The following MBD2 variants were observed in gnomAD, a reference collection of about 807,000 sequenced individuals.
MBD2 encodes methyl-CpG-binding domain protein 2.
Under a neutral mutation model 39.3 loss-of-function variants are expected in MBD2, and 9 were observed. The ratio of observed to expected loss-of-function variants is 0.23; its 90% CI spans 0.14 to 0.40. MBD2 has a LOEUF of 0.40. Ranked by LOEUF, MBD2 falls within the 10% of genes least tolerant of loss-of-function variation. The pLI, the probability that MBD2 is intolerant of heterozygous loss-of-function variation, is 1.00. For missense variants in MBD2, 458 were observed against 532.6 expected, an observed-to-expected ratio of 0.86 and a Z score of 1.38; for synonymous variants, 233 against 211.1, an observed-to-expected ratio of 1.10 and a Z score of -0.90.
At chr18:54,177,827 C>CTT (rs34113185) in intron 3 of MBD2, among the ~76,000 whole-genome samples, 3,612 of 87,016 alleles carry the variant, frequency 0.042, 155 homozygotes, top group African/African-American at 0.067. Context: ...TTTTTCCTCT[C>CTT]TTTTTTTTTT....
chr18:54,194,127 A>T (rs1222826798), intron 2 of MBD2, among the ~76,000 whole-genome samples: 1 of 152,094 alleles, frequency 6.6e-6, no homozygotes, highest in Admixed American at 6.5e-5. Flanking sequence ...GAAATTTGAA[A>T]ATATATATAC....
intron 2 of MBD2, among the ~76,000 whole-genome samples, chr18:54,190,074 T>C (rs1014648436): frequency 4.5e-4 from 69 of 152,204 alleles, no homozygotes; most frequent in African/African-American, 1.6e-3. Context: ...CAGACTTACA[T>C]AAAACCACAT....
Position 54,216,115 on chromosome 18 carries a change from T to C in MBD2, c.542+7903A>G, listed in dbSNP as rs549756672. Among the ~76,000 whole-genome samples the C allele has an allele frequency of 1.9e-3, 296 of 152,298 alleles. 3 individuals are homozygous for C. The highest frequency in any genetic ancestry group is 2.5e-3 in the Non-Finnish European group (167 of 68,014). ...AGCCACCGCATCCAGCCCTTGAAGA[T>C]AGATTTTTTTCAAGCAAAATATAAA... On this transcript the variant is annotated intron_variant, in intron 1 of 6. Transcript: ENST00000256429.
chr18:54,180,326 G>T (rs1436210075), intron 3 of MBD2, among the ~76,000 whole-genome samples: 1 of 152,000 alleles, frequency 6.6e-6, no homozygotes, highest in Non-Finnish European at 1.5e-5. Context: ...TTTAAAATCA[G>T]AAAAGGTTAA....
chr18:54,219,156 T>A (rs2086587561), intron 1 of MBD2, among the ~76,000 whole-genome samples: 1 of 152,198 alleles, frequency 6.6e-6, no homozygotes, highest in Non-Finnish European at 1.5e-5. Flanking sequence ...GTCTGTGCAC[T>A]ATGAGCAACC....
In MBD2 at chr18:54,164,803, T is replaced by C. The variant is rs571414413; in HGVS notation, c.932-103A>G. On this transcript the variant is annotated intron_variant, in intron 4 of 6. Coordinates refer to ENST00000256429, the MANE Select transcript of MBD2 (RefSeq NM_003927.5). ...ATATTTTTATATTCATTTGGGATCATATATGTAAAACTGACATAAGACAAA... is the reference window on the plus strand; with the variant it reads ...ATATTTTTATATTCATTTGGGATCACATATGTAAAACTGACATAAGACAAA... The C allele has an allele frequency of 2.1e-5, 19 of 893,650 alleles. No individual in the cohort carries two copies. The East Asian group carries it at 4.7e-4, about 22-fold the overall frequency. The allele number at this position is 893,650 out of a possible 1,614,324, so 55.4% of individuals were successfully genotyped here.
intron 3 of MBD2, among the ~76,000 whole-genome samples, chr18:54,176,917 C>G (rs565918523): frequency 2.0e-5 from 3 of 152,110 alleles, no homozygotes; most frequent in Non-Finnish European, 4.4e-5. Context: ...ATGAATAAAC[C>G]AAAGGGCAAA....
intron 2 of MBD2, among the ~76,000 whole-genome samples, chr18:54,204,734 C>T (rs1334280223): frequency 1.3e-5 from 2 of 152,154 alleles, no homozygotes; most frequent in Non-Finnish European, 2.9e-5. Flanking sequence ...AAAAAGGAGA[C>T]AATTAACACC....
At chr18:54,192,323 C>T (rs180832969) in intron 2 of MBD2, among the ~76,000 whole-genome samples, 3 of 152,164 alleles carry the variant, frequency 2.0e-5, no homozygotes, top group Middle Eastern at 3.2e-3. Context: ...ACCTCTGCCT[C>T]GTGGGTTCAA....
chr18:54,171,967 G>A (rs913140911), intron 3 of MBD2, among the ~76,000 whole-genome samples: 3 of 152,202 alleles, frequency 2.0e-5, no homozygotes, highest in African/African-American at 7.2e-5. Flanking sequence ...TTACATGTTT[G>A]GCTCTTGTTA....
intron 2 of MBD2, among the ~76,000 whole-genome samples, chr18:54,189,447 C>A (rs1054886424): frequency 1.3e-5 from 2 of 152,018 alleles, no homozygotes; most frequent in African/African-American, 2.4e-5. Flanking sequence ...TGGTCTCGAT[C>A]TCCTGACCTC....
intron 3 of MBD2, among the ~76,000 whole-genome samples, chr18:54,179,586 T>C (rs1198338051): frequency 6.6e-6 from 1 of 150,490 alleles, no homozygotes; most frequent in Non-Finnish European, 1.5e-5. Flanking sequence ...ATTAATCACA[T>C]AAACCAATCA....
At chr18:54,211,481 T>C (rs1421604293) in intron 1 of MBD2, among the ~76,000 whole-genome samples, 1 of 151,822 alleles carries the variant, frequency 6.6e-6, no homozygotes, top group Non-Finnish European at 1.5e-5. Flanking sequence ...TTAACTCCTT[T>C]CCCCTTAATC....
chr18:54,177,615 G>A (rs2086221232), intron 3 of MBD2, among the ~76,000 whole-genome samples: 1 of 151,938 alleles, frequency 6.6e-6, no homozygotes, highest in Admixed American at 6.5e-5. Flanking sequence ...GGAGTAGCTG[G>A]GACTACAGGC....
At chr18:54,203,718 A>T (rs1178417789) in intron 2 of MBD2, among the ~76,000 whole-genome samples, 2 of 152,184 alleles carry the variant, frequency 1.3e-5, no homozygotes, top group African/African-American at 4.8e-5. Flanking sequence ...GCCCCTCAGA[A>T]AATGTAACAT....
At chr18:54,197,092 T>C (rs1369925345) in intron 2 of MBD2, among the ~76,000 whole-genome samples, 3 of 152,220 alleles carry the variant, frequency 2.0e-5, no homozygotes, top group Non-Finnish European at 4.4e-5. Context: ...CAAGAGAACA[T>C]GAACTCGTTC....
At chr18:54,169,202 T>C (rs2086160839) in intron 3 of MBD2, among the ~76,000 whole-genome samples, 1 of 152,218 alleles carries the variant, frequency 6.6e-6, no homozygotes, top group African/African-American at 2.4e-5. Flanking sequence ...ATCCAGCTTA[T>C]ATAATGACCA....
At chr18:54,223,976 C>G in intron 1 of MBD2, 42 bp downstream of exon 1, 1 of 1,481,086 alleles carries the variant, frequency 6.8e-7, no homozygotes, top group East Asian at 2.5e-5. Flanking sequence ...CCCCTGACCC[C>G]GGCCTGACCC....
intron 1 of MBD2, among the ~76,000 whole-genome samples, chr18:54,208,922 T>A (rs1450439607): frequency 6.6e-6 from 1 of 152,232 alleles, no homozygotes; most frequent in African/African-American, 2.4e-5. Context: ...TGTGATCACT[T>A]ATGTTTATCA....
Sources: gnomAD v4.1 joint callset for allele counts (sites outside exome capture counted in the v4.1 genomes callset) on GRCh38, gnomAD v4.1.1 for gene constraint, MANE v1.5 for transcripts, NCBI Gene and HGNC (gene_info 2026-07-23, HGNC 2026-07-21) for gene names.